The following NCF2 variants were observed in gnomAD, a reference collection of about 807,000 sequenced individuals.
The protein encoded by NCF2 is neutrophil cytosolic factor 2.
NCF2 carries 45 observed loss-of-function variants against 70.9 expected under a neutral mutation model. The ratio of observed to expected loss-of-function variants is 0.63; its 90% CI spans 0.50 to 0.81. The LOEUF (loss-of-function observed/expected upper bound fraction) is 0.81. Among genes scored for constraint, NCF2 ranks in the 40% least tolerant of loss-of-function variants. The pLI is 0.00. For synonymous variants in NCF2, 203 were observed against 233.6 expected (o/e 0.87, Z 1.19); for missense variants, 522 against 631.6 (o/e 0.83, Z 1.86).
At chr1:183,599,433 T>TCTTTCTTTC in the NCF2 span, among the ~76,000 whole-genome samples, 79 of 92,402 alleles carry the variant, frequency 8.5e-4, no homozygotes, top group African/African-American at 2.8e-3. Context: ...CTTCTTTCTT[T>TCTTTCTTTC]CTTTCTTTCT....
intron 2 of NCF2, among the ~76,000 whole-genome samples, chr1:183,580,751 C>A (rs535486562): frequency 5.3e-5 from 8 of 152,086 alleles, no homozygotes; most frequent in Non-Finnish European, 8.8e-5. Context: ...CCAAGGCAGG[C>A]GGATCACTTG....
chr1:183,600,372 A>G, the NCF2 span, among the ~76,000 whole-genome samples: 1 of 152,234 alleles, frequency 6.6e-6, no homozygotes, highest in African/African-American at 2.4e-5. Context: ...CTTGTGTCAG[A>G]TGGTTCTTGA....
Position 183,574,471 on chromosome 1 carries a change from T to A in NCF2, c.501+16A>T. On this transcript the variant is annotated intron_variant, in intron 4 of 14. Transcript: ENST00000367535. ...CAGTGACATCCTCTCAACACCTGCA[T>A]CACCAATACGCTTACCCAGACACAC... The A allele has an allele frequency of 6.2e-7, 1 of 1,614,106 alleles. No homozygotes were observed. Among genetic ancestry groups the A allele is most frequent in the Non-Finnish European group, 8.5e-7 (1 of 1,179,952 alleles).
chr1:183,567,490 G>T, intron 7 of NCF2, 145 bp from the exon 8 acceptor site: 1 of 1,141,686 alleles, frequency 8.8e-7, no homozygotes, highest in Non-Finnish European at 1.3e-6. Context: ...CACTGAGCCT[G>T]CCTGGGCTCC....
intron 2 of NCF2, among the ~76,000 whole-genome samples, chr1:183,583,810 G>A (rs1207455047): frequency 2.0e-5 from 3 of 152,236 alleles, no homozygotes; most frequent in African/African-American, 7.2e-5. Flanking sequence ...GAACAGGCAA[G>A]GGAATTTGGC....
At chr1:183,585,817 A>G (rs1673323067) in intron 2 of NCF2, among the ~76,000 whole-genome samples, 1 of 152,126 alleles carries the variant, frequency 6.6e-6, no homozygotes, top group Non-Finnish European at 1.5e-5. Flanking sequence ...AGGAATTGAG[A>G]TTAACTTTCA....
intron 1 of NCF2, among the ~76,000 whole-genome samples, chr1:183,588,396 A>G (rs1462687412): frequency 6.6e-6 from 1 of 150,766 alleles, no homozygotes; most frequent in East Asian, 1.9e-4. Context: ...AATCACTTGA[A>G]CCCAGGAGGC....
At chr1:183,599,990 A>G in the NCF2 span, among the ~76,000 whole-genome samples, 2 of 152,224 alleles carry the variant, frequency 1.3e-5, no homozygotes, top group Non-Finnish European at 2.9e-5. Flanking sequence ...GAATCTTCTT[A>G]ACATATTAAT....
At chr1:183,595,630 T>A (rs1291769132), upstream of NCF2, among the ~76,000 whole-genome samples, 1 of 152,162 alleles carries the variant, frequency 6.6e-6, no homozygotes, top group Non-Finnish European at 1.5e-5. Context: ...CATCTGTAGC[T>A]ATAGAATTCA....
At chr1:183,573,125 C>T in intron 5 of NCF2, 60 bp downstream of exon 5, 1 of 1,499,802 alleles carries the variant, frequency 6.7e-7, no homozygotes, top group South Asian at 1.1e-5. Flanking sequence ...GTCCCTCCCA[C>T]CTTGCTCCAC....
At chr1:183,599,474 C>CTTTCTTTCTTTCTTTCTTTA in the NCF2 span, among the ~76,000 whole-genome samples, 1 of 136,966 alleles carries the variant, frequency 7.3e-6, no homozygotes, top group Non-Finnish European at 1.6e-5. Context: ...TTCTTTCTTT[C>CTTTCTTTCTTTCTTTCTTTA]TTTCTTTCTC....
chr1:183,586,841 C>T, intron 2 of NCF2, 54 bp downstream of exon 2: 2 of 1,526,118 alleles, frequency 1.3e-6, no homozygotes, highest in Non-Finnish European at 1.8e-6. Flanking sequence ...AACACTGAGA[C>T]CCCTTGGGTT....
chr1:183,590,659 C>T (rs1303080927), upstream of NCF2: 6 of 385,750 alleles, frequency 1.6e-5, no homozygotes, highest in East Asian at 3.7e-4. Flanking sequence ...CCCCAAAATG[C>T]TTCTGCTCTG....
intron 5 of NCF2, among the ~76,000 whole-genome samples, chr1:183,571,114 C>CA (rs1672536998): frequency 9.4e-6 from 1 of 106,818 alleles, no homozygotes; most frequent in East Asian, 2.8e-4. Flanking sequence ...ATCAAATTAT[C>CA]TTTTTTTTTT....
intron 5 of NCF2, 86 bp from the exon 6 acceptor site, chr1:183,570,925 T>C: frequency 1.5e-6 from 2 of 1,299,774 alleles, no homozygotes; most frequent in South Asian, 2.4e-5. Context: ...GCCCTAGACC[T>C]GTTCTTACGT....
chr1:183,593,194 C>G (rs1478416669), upstream of NCF2, among the ~76,000 whole-genome samples: 1 of 152,070 alleles, frequency 6.6e-6, no homozygotes. Context: ...TTTGTATCCC[C>G]CAGGGCACTA....
intron 6 of NCF2, among the ~76,000 whole-genome samples, chr1:183,570,297 G>A (rs1161240902): frequency 2.6e-5 from 4 of 152,230 alleles, no homozygotes; most frequent in Non-Finnish European, 4.4e-5. Flanking sequence ...GGCAGAAAAA[G>A]GGTTCACTCT....
At position 183,586,853 on chromosome 1, in the gene NCF2, C is replaced by G. The variant is rs72550880; in HGVS notation, c.257+42G>C. 385 of 1,582,750 alleles carry G rather than the reference C, an allele frequency of 2.4e-4. 2 individuals are homozygous for G. In the African/African-American group the frequency reaches 4.1e-3, roughly 17 times the overall value. On this transcript the variant is annotated intron_variant, in intron 2 of 14. Transcript: ENST00000367535. The stretch of plus-strand genomic sequence containing the variant: ...CGCAACACTGAGACCCCTTGGGTTT[C>G]TCTCTGAAATCCTCCAGTTGGTGCA...
intron 3 of NCF2, among the ~76,000 whole-genome samples, chr1:183,576,996 AAAG>A (rs1258719127): frequency 6.6e-6 from 1 of 152,262 alleles, no homozygotes; most frequent in African/African-American, 2.4e-5. Flanking sequence ...ATAATAGAGA[AAAG>A]AAGTTGTTTT....
Sources: allele counts gnomAD v4.1 joint callset (sites outside exome capture counted in the v4.1 genomes callset), GRCh38; gene constraint gnomAD v4.1.1; transcripts MANE v1.5; gene names NCBI Gene and HGNC (gene_info 2026-07-23, HGNC 2026-07-21).